TTC17: variants seen among roughly 807,000 people sequenced by gnomAD.
TTC17 encodes tetratricopeptide repeat protein 17.
TTC17 carries 58 observed loss-of-function variants against 143.8 expected under a neutral mutation model. That is an observed-to-expected ratio of 0.40 (90% CI 0.33 to 0.50). The LOEUF (loss-of-function observed/expected upper bound fraction) is 0.50, where lower values mean the gene tolerates loss of function less well. Among genes scored for constraint, TTC17 ranks in the 20% least tolerant of loss-of-function variants. The probability of loss-of-function intolerance (pLI) is 0.49; values close to 1 mark genes in which losing one functional copy is unlikely to be tolerated. For synonymous variants in TTC17, 501 were observed against 497.8 expected, an observed-to-expected ratio of 1.01 and a Z score of -0.09; for missense variants, 1,273 against 1,392.5, an observed-to-expected ratio of 0.91 and a Z score of 1.37.
In TTC17 at chr11:43,446,712, A is replaced by G. The variant is rs918597508; in HGVS notation, c.2666-1290A>G. On this transcript the variant is annotated intron_variant, in intron 18 of 23. Transcript: ENST00000039989. ...AAATTCCTATAATATAAAAAGCGCT[A>G]TACAGAACTAAAGTTCTCCTTCCTG... 9.2e-6 allele frequency: 9 copies of G among 979,500 alleles called. No individual in the cohort carries two copies. The African/African-American group carries it at 1.1e-4, about 11-fold the overall frequency. 60.7% of individuals were successfully genotyped at this position (979,500 alleles called of 1,614,324 possible). A position where few individuals can be genotyped will look rare whatever the true frequency, so the allele number is the denominator to read the frequency against.
intron 16 of TTC17, among the ~76,000 whole-genome samples, chr11:43,438,374 G>T (rs188919104): frequency 6.6e-6 from 1 of 152,146 alleles, no homozygotes; most frequent in Admixed American, 6.5e-5. Context: ...GCCCAGGCTG[G>T]TCTCAAAGTC....
rs141774105 is a variant in TTC17, at chr11:43,465,578, C to T, written c.3030+14313C>T. Among the ~76,000 whole-genome samples, 78 of 152,220 alleles carry T rather than the reference C, an allele frequency of 5.1e-4. 1 individual carries two copies. In the East Asian group the frequency reaches 0.014, roughly 28 times the overall value. ...GAATTGCAATAACTGAAATTAAGAA[C>T]TCAATTGATGGGTATAAAATCAAAT... is the stretch of plus-strand genomic sequence containing the variant. On this transcript the variant is annotated intron_variant, in intron 21 of 23. Transcript: ENST00000039989.
At chr11:43,397,526 G>A in intron 7 of TTC17, 35 bp downstream of exon 7, 7 of 1,445,412 alleles carry the variant, frequency 4.8e-6, no homozygotes, top group Non-Finnish European at 6.5e-6. Flanking sequence ...AGTCATGCTA[G>A]TTGCCACTTT....
intron 21 of TTC17, among the ~76,000 whole-genome samples, chr11:43,452,189 C>T (rs1242373082): frequency 2.0e-5 from 3 of 152,142 alleles, no homozygotes; most frequent in African/African-American, 7.2e-5. Context: ...AGAGCAGACA[C>T]AGCACTGATA....
intron 19 of TTC17, chr11:43,448,713 A>C (rs1334733953): frequency 6.6e-6 from 1 of 152,194 alleles, no homozygotes; most frequent in Non-Finnish European, 1.5e-5. Flanking sequence ...ATCTTTTTAC[A>C]ATGCGTTCAA....
intron 19 of TTC17, 131 bp from the exon 20 acceptor site, chr11:43,449,951 G>A (rs1947624973): frequency 5.0e-6 from 5 of 1,002,210 alleles, no homozygotes; most frequent in East Asian, 2.7e-5. Flanking sequence ...TTAAAATCAG[G>A]GGATAGCATG....
At chr11:43,453,067 T>A (rs1947694337) in intron 21 of TTC17, among the ~76,000 whole-genome samples, 1 of 151,798 alleles carries the variant, frequency 6.6e-6, no homozygotes, top group South Asian at 2.1e-4. Flanking sequence ...AACAGGTCAG[T>A]AGTAGAAAAA....
chr11:43,432,842 AT>A (rs762799898), intron 16 of TTC17, among the ~76,000 whole-genome samples: 6 of 152,186 alleles, frequency 3.9e-5, no homozygotes, highest in Non-Finnish European at 7.4e-5. Context: ...AAGAATGGAA[AT>A]TTTAAGTTCT....
At chr11:43,476,272 A>G (rs1281392311) in intron 21 of TTC17, among the ~76,000 whole-genome samples, 4 of 152,236 alleles carry the variant, frequency 2.6e-5, no homozygotes, top group Admixed American at 2.0e-4. Context: ...AACAGGTTGT[A>G]TCAAAAGAAT....
chr11:43,433,451 C>CCT (rs1590410613), intron 16 of TTC17, among the ~76,000 whole-genome samples: 1 of 152,266 alleles, frequency 6.6e-6, no homozygotes, highest in East Asian at 1.9e-4. Context: ...CTCCTGTTCT[C>CCT]CTCCCGATTC....
At chr11:43,426,524 T>C (rs1414897046) in intron 16 of TTC17, among the ~76,000 whole-genome samples, 2 of 152,186 alleles carry the variant, frequency 1.3e-5, no homozygotes, top group African/African-American at 4.8e-5. Flanking sequence ...TTAGGAAACT[T>C]TATTACTGAG....
chr11:43,360,832 T>C (rs960646210), intron 1 of TTC17, among the ~76,000 whole-genome samples: 3 of 152,200 alleles, frequency 2.0e-5, no homozygotes, highest in African/African-American at 4.8e-5. Flanking sequence ...AAGAATCTTT[T>C]GGATCTCTGC....
Position 43,420,770 on chromosome 11 carries a change from G to C in TTC17, c.2251+5994G>C, listed in dbSNP as rs549975951. 2.6e-5 allele frequency among the ~76,000 whole-genome samples: 4 copies of C among 152,090 alleles called. No individual in the cohort carries two copies. The South Asian group carries it at 8.3e-4, about 32-fold the overall frequency. On this transcript the variant is annotated intron_variant, in intron 16 of 23. Transcript: ENST00000039989. ...TGTTGGTTTTTAATGTGAATTTTTT[G>C]TCCTGCATGCCAAAAAAAATGTTTT...
intron 21 of TTC17, among the ~76,000 whole-genome samples, chr11:43,458,425 C>T (rs1158977417): frequency 6.6e-6 from 1 of 152,150 alleles, no homozygotes; most frequent in African/African-American, 2.4e-5. Flanking sequence ...CTTCTCAAAG[C>T]CTAGAAACTC....
chr11:43,407,425 G>A lies in TTC17; in HGVS notation c.1912G>A (p.Ala638Thr). 6.2e-7 allele frequency: 1 copy of A among 1,613,984 alleles called. No individual in the cohort carries two copies. The highest frequency in any genetic ancestry group is 8.5e-7 in the Non-Finnish European group (1 of 1,179,982). ...YWRAVGNSTF[A>T]IACLQRALNL... ...GAGAGCAGTAGGAAATAGCACTTTTGCTATTGCCTGTCTTCAGAGGGCTTT... is the reference window on the plus strand; with the variant it reads ...GAGAGCAGTAGGAAATAGCACTTTTACTATTGCCTGTCTTCAGAGGGCTTT... The change falls in exon 15 of 24, where the codon GCT (alanine) becomes ACT (threonine). Residue 638 changes from alanine to threonine, a missense_variant. Ala to Thr is a moderately conservative substitution (Grantham distance 58). This residue lies in a region of TTC17 where 878 missense variants were observed against 899.8 expected (regional missense o/e 0.98). Coordinates refer to ENST00000039989, the MANE Select transcript of TTC17 (RefSeq NM_018259.6).
chr11:43,482,828 G>A (rs146380570), intron 21 of TTC17, among the ~76,000 whole-genome samples: 4 of 151,882 alleles, frequency 2.6e-5, no homozygotes, highest in Non-Finnish European at 2.9e-5. Context: ...GTAAGTTTTC[G>A]ATTTGTGTAT....
intron 16 of TTC17, among the ~76,000 whole-genome samples, chr11:43,434,639 ATTC>A (rs1294905647): frequency 2.0e-5 from 3 of 152,170 alleles, no homozygotes; most frequent in Non-Finnish European, 4.4e-5. Context: ...AGTCCTGCCT[ATTC>A]TTTAAAATTC....
At chr11:43,433,044 A>G (rs1365534069) in intron 16 of TTC17, among the ~76,000 whole-genome samples, 1 of 150,972 alleles carries the variant, frequency 6.6e-6, no homozygotes, top group African/African-American at 2.5e-5. Flanking sequence ...CTCTGTCACC[A>G]GGCTGGAGTG....
At chr11:43,493,747 C>CA in intron 23 of TTC17, 26 bp from the exon 24 acceptor site, 1 of 1,613,926 alleles carries the variant, frequency 6.2e-7, no homozygotes, top group Admixed American at 1.7e-5. Context: ...GCCATCCCCT[C>CA]ACATTTCTCT....
Sources: allele counts gnomAD v4.1 joint callset (sites outside exome capture counted in the v4.1 genomes callset), GRCh38; gene constraint gnomAD v4.1.1; regional missense constraint gnomAD v4.1.1; transcripts MANE v1.5; gene names NCBI Gene and HGNC (gene_info 2026-07-23, HGNC 2026-07-21).